Variants in AGAP4 observed in about 807,000 individuals in gnomAD.
AGAP4 encodes the protein ArfGAP with GTPase domain, ankyrin repeat and PH domain 4, also known as arf-GAP with GTPase, ANK repeat and PH domain-containing protein 4.
Under a neutral mutation model 60.7 loss-of-function variants are expected in AGAP4, and 13 were observed. The observed-to-expected ratio is 0.21, with a 90% CI of 0.14 to 0.34. The LOEUF is 0.34. AGAP4 is among the 10% of genes least tolerant of loss of function. The probability of loss-of-function intolerance (pLI) is 1.00; values close to 1 mark genes in which losing one functional copy is unlikely to be tolerated. For missense variants in AGAP4, 169 were observed against 884.0 expected, an observed-to-expected ratio of 0.19 and a Z score of 10.26; for synonymous variants, 70 against 339.0, an observed-to-expected ratio of 0.21 and a Z score of 8.72.
At chr10:45,827,741 G>A (rs1432661323) in intron 7 of AGAP4, among the ~76,000 whole-genome samples, 10 of 43,328 alleles carry the variant, frequency 2.3e-4, no homozygotes, top group Middle Eastern at 6.2e-3. Flanking sequence ...AGCCAAGATC[G>A]CGCGATTGCA....
chr10:45,849,787 T>A (rs2059060351), upstream of AGAP4, among the ~76,000 whole-genome samples: 1 of 150,930 alleles, frequency 6.6e-6, no homozygotes, highest in African/African-American at 2.4e-5. Context: ...ATTGCAGGCA[T>A]GCGCCACCAT....
At chr10:45,841,881 C>T (rs1369773333) in intron 3 of AGAP4, among the ~76,000 whole-genome samples, 194 bp from the exon 4 acceptor site, 23 of 151,876 alleles carry the variant, frequency 1.5e-4, no homozygotes, top group African/African-American at 4.4e-4. Flanking sequence ...CTTAGATTTT[C>T]ATTTAGTTTA....
At chr10:45,848,494 T>C (rs1173443417), upstream of AGAP4, among the ~76,000 whole-genome samples, 4 of 150,194 alleles carry the variant, frequency 2.7e-5, no homozygotes, top group Non-Finnish European at 5.9e-5. Context: ...GCAAGTAGTG[T>C]GTGCCTGACA....
intron 3 of AGAP4, among the ~76,000 whole-genome samples, chr10:45,843,477 C>A (rs1477177794): frequency 2.2e-5 from 3 of 135,816 alleles, no homozygotes; most frequent in East Asian, 2.1e-4. Flanking sequence ...GCCAATTAAA[C>A]CTCTTTTTGT....
chr10:45,836,771 T>TAA (rs2058824252), intron 4 of AGAP4, among the ~76,000 whole-genome samples: 1 of 115,664 alleles, frequency 8.6e-6, no homozygotes, highest in Non-Finnish European at 1.8e-5. Context: ...TTTTTGTTTT[T>TAA]AATTCTGTTT....
chr10:45,848,072 C>G (rs2059029377), upstream of AGAP4: 3 of 992,040 alleles, frequency 3.0e-6, no homozygotes, highest in Non-Finnish European at 3.6e-6. Flanking sequence ...TATTTGCTGA[C>G]TAAATATAGA....
rs2059016945 is a variant in AGAP4, at chr10:45,847,350, G to T, written c.-3C>A. 1 of 1,592,904 alleles carries T rather than the reference G, an allele frequency of 6.3e-7. No individual in the cohort carries two copies. The highest frequency in any genetic ancestry group is 8.5e-7 in the Non-Finnish European group (1 of 1,177,820). The stretch of plus-strand genomic sequence containing the variant: ...CGACAGGTCAGTATGTTCCCCATGG[G>T]GCGCCTCTACTGTCTGCCACCACCT... On this transcript the variant is annotated 5_prime_UTR_variant, in exon 1 of 8. Coordinates refer to ENST00000616763, the MANE Select transcript of AGAP4 (RefSeq NM_001276343.3).
upstream of AGAP4, among the ~76,000 whole-genome samples, chr10:45,850,564 G>A (rs1325834087): frequency 6.6e-6 from 1 of 152,176 alleles, no homozygotes; most frequent in Non-Finnish European, 1.5e-5. Flanking sequence ...AAGGACTGAA[G>A]GAAGCAACCA....
At chr10:45,848,675 A>G (rs1379934273), upstream of AGAP4, among the ~76,000 whole-genome samples, 2 of 152,138 alleles carry the variant, frequency 1.3e-5, no homozygotes, top group East Asian at 3.9e-4. Flanking sequence ...TTGCTTAAGC[A>G]TGATTATCAG....
At chr10:45,830,571 C>T (rs1242780870) in intron 6 of AGAP4, among the ~76,000 whole-genome samples, 1 of 107,390 alleles carries the variant, frequency 9.3e-6, no homozygotes, top group Admixed American at 8.4e-5. Context: ...CTGCAACCTC[C>T]GCCTCCCAAG....
upstream of AGAP4, among the ~76,000 whole-genome samples, chr10:45,851,277 ACT>A (rs2059080795): frequency 6.6e-6 from 1 of 151,972 alleles, no homozygotes; most frequent in Non-Finnish European, 1.5e-5. Flanking sequence ...GAGCACTGAG[ACT>A]CAAGAGACCT....
chr10:45,828,647 G>A (rs1383934308), intron 6 of AGAP4, among the ~76,000 whole-genome samples: 2 of 141,102 alleles, frequency 1.4e-5, no homozygotes, highest in African/African-American at 5.2e-5. Flanking sequence ...TCGGGATCCC[G>A]AAGACCCCTT....
intron 4 of AGAP4, among the ~76,000 whole-genome samples, chr10:45,838,689 G>A (rs1311869274): frequency 1.7e-4 from 25 of 151,446 alleles, no homozygotes; most frequent in East Asian, 5.8e-4. Context: ...CTCTGCCTCA[G>A]CCTCCTGAGT....
intron 6 of AGAP4, among the ~76,000 whole-genome samples, chr10:45,830,686 T>G (rs71232201): frequency 1.6e-5 from 2 of 126,338 alleles, no homozygotes; most frequent in African/African-American, 6.0e-5. Flanking sequence ...GGGGCTTCGC[T>G]GTGTTAGCCA....
rs1427949394 is a variant in AGAP4, at chr10:45,831,463, T to A, written c.498-34A>T. ...GGAAAAAAATTCATAACAATAGATG[T>A]TAACATTTGTTAGGCCTGAAGACAT... On this transcript the variant is annotated intron_variant, in intron 5 of 7. Transcript: ENST00000616763. 39 of 1,586,434 alleles carry A rather than the reference T, an allele frequency of 2.5e-5. 2 individuals carry two copies. Among genetic ancestry groups the A allele is most frequent in the Non-Finnish European group, 3.3e-5 (39 of 1,171,176 alleles).
chr10:45,834,935 G>C (rs1333203862), intron 4 of AGAP4, among the ~76,000 whole-genome samples: 1 of 147,024 alleles, frequency 6.8e-6, no homozygotes, highest in Admixed American at 6.7e-5. Context: ...CACCGTGCCC[G>C]GCTAACTTTT....
At chr10:45,849,838 G>A (rs1283772595), upstream of AGAP4, among the ~76,000 whole-genome samples, 1 of 150,864 alleles carries the variant, frequency 6.6e-6, no homozygotes, top group East Asian at 2.0e-4. Flanking sequence ...CGGGGTTTCT[G>A]CACGTTGGTC....
At chr10:45,853,455 A>G (rs1214853019) in intron 1 of AGAP4, among the ~76,000 whole-genome samples, 1 of 151,652 alleles carries the variant, frequency 6.6e-6, no homozygotes, top group Non-Finnish European at 1.5e-5. Context: ...TGATATGTGC[A>G]TTAGGTACAT....
chr10:45,838,651 A>C (rs2058864969), intron 4 of AGAP4, among the ~76,000 whole-genome samples: 1 of 150,692 alleles, frequency 6.6e-6, no homozygotes, highest in African/African-American at 2.4e-5. Context: ...AGTTAACTGC[A>C]GCCTCAAACT....
Sources: allele counts gnomAD v4.1 joint callset (sites outside exome capture counted in the v4.1 genomes callset), GRCh38; gene constraint gnomAD v4.1.1; transcripts MANE v1.5; gene names NCBI Gene and HGNC (gene_info 2026-07-23, HGNC 2026-07-21).